PIK3C2B: variants seen among roughly 807,000 people sequenced by gnomAD.
The protein encoded by PIK3C2B is phosphatidylinositol-4-phosphate 3-kinase catalytic subunit type 2 beta.
A neutral mutation model predicts 184.3 loss-of-function variants in PIK3C2B; 83 were observed. That is an observed-to-expected ratio of 0.45 (90% CI 0.38 to 0.54). The LOEUF is 0.54. Ranked by LOEUF, PIK3C2B falls within the 20% of genes least tolerant of loss-of-function variation. The pLI is 0.00. For missense variants in PIK3C2B, 1,736 were observed against 2,113.5 expected (o/e 0.82, Z 3.50); for synonymous variants, 779 against 837.6 (o/e 0.93, Z 1.21).
At chr1:204,456,906 A>ACACACC (rs772419960) in intron 10 of PIK3C2B, 131 bp downstream of exon 10, 46 of 152,782 alleles carry the variant, frequency 3.0e-4, no homozygotes, top group East Asian at 1.2e-3. Flanking sequence ...ACACACACAC[A>ACACACC]CCCACACACA....
intron 29 of PIK3C2B, among the ~76,000 whole-genome samples, chr1:204,429,253 TACTC>T (rs1478121307): frequency 8.6e-5 from 13 of 150,524 alleles, no homozygotes; most frequent in African/African-American, 5.0e-5. Flanking sequence ...TGTGTGAAAA[TACTC>T]ACTTGAACAT....
At position 204,424,139 on chromosome 1, in the gene PIK3C2B, C is replaced by T. The variant is rs1211312995; in HGVS notation, c.*713G>A. The T allele has an allele frequency of 6.5e-6, 1 of 154,086 alleles. No homozygotes were observed. The highest frequency in any genetic ancestry group is 1.4e-5 in the Non-Finnish European group (1 of 69,114). The allele number at this position is 154,086 out of a possible 1,614,324, so 9.5% of individuals were successfully genotyped here. ...CAGAACCCCAATACGGAAGGCCCTT[C>T]CTTACACATGTAGGTATCACAGCGC... On this transcript the variant is annotated 3_prime_UTR_variant, in exon 33 of 33. Transcript: ENST00000684373.
chr1:204,463,875 A>T, intron 5 of PIK3C2B, 137 bp downstream of exon 5: 1 of 883,974 alleles, frequency 1.1e-6, no homozygotes, highest in Non-Finnish European at 1.8e-6. Flanking sequence ...CGTGGCCGAG[A>T]GTGTGCCCAG....
Position 204,444,441 on chromosome 1 carries a change from A to T in PIK3C2B, c.2679-17T>A. The T allele has an allele frequency of 6.3e-7, 1 of 1,599,376 alleles. No individual in the cohort carries two copies. The highest frequency in any genetic ancestry group is 8.5e-7 in the Non-Finnish European group (1 of 1,170,040). ...TCCGGGAAGCTGCAAAACAGAGCCC[A>T]GTGCCCTGACAACCTAGCTGCAAGT... On this transcript the variant is annotated splice_polypyrimidine_tract_variant and intron_variant, in intron 16 of 32. Transcript: ENST00000684373.
intron 28 of PIK3C2B, chr1:204,431,461 G>T: frequency 3.3e-6 from 2 of 598,834 alleles, no homozygotes; most frequent in Non-Finnish European, 5.9e-6. Context: ...TCTGGCCAGT[G>T]GGCCTGGAGT....
Position 204,469,489 on chromosome 1 carries a change from T to G in PIK3C2B, c.314A>C (p.His105Pro). The change falls in exon 2 of 33, where the codon CAC (histidine) becomes CCC (proline). Residue 105 changes from histidine to proline, a missense_variant. Around this residue, in one of 8 missense-constraint regions of PIK3C2B, gnomAD observed 404 missense variants for 418.0 expected, o/e 0.97. Coordinates refer to ENST00000684373, the MANE Select transcript of PIK3C2B (RefSeq NM_001377334.1). ...AGGCTGTGGCCCTTGGGAGGTAGAG[T>G]GGTTGGGCGGCCCTTCCTGTGGGGA... The part of the protein sequence containing the change: ...SLSPQEGPPN[H>P]STSQGPQPGS... The G allele has an allele frequency of 6.2e-7, 1 of 1,606,192 alleles. No homozygotes were observed. The highest frequency in any genetic ancestry group is 8.5e-7 in the Non-Finnish European group (1 of 1,176,254).
chr1:204,430,028 G>C lies in PIK3C2B; in HGVS notation c.4291C>G (p.Arg1431Gly), dbSNP rs1458432047. Residue 1431 changes from arginine to glycine, a missense_variant, in exon 29 of 33, where the codon CGC becomes GGC. By Grantham distance (125) the Arg-to-Gly change is moderately radical. This residue lies in a region of PIK3C2B where 200 missense variants were observed against 199.1 expected (regional missense o/e 1.00). Transcript: ENST00000684373. ...PSSHLPSFPS[R>G]FVIGRSRGEA... ...CCCCGGGAGCGGCCGATCACGAAGC[G>C]ACTAGGGAAGCTGGCGTGGCAGCGT... The C allele has an allele frequency of 6.2e-7, 1 of 1,607,410 alleles. No individual in the cohort carries two copies.
rs61761709 is a variant in PIK3C2B at position 204,461,752 on chromosome 1, G to A, written c.1311-1091C>T. 6.6e-3 allele frequency among the ~76,000 whole-genome samples: 999 copies of A among 151,564 alleles called. 10 individuals carry two copies. The highest frequency in any genetic ancestry group is 0.023 in the African/African-American group (934 of 41,278). On this transcript the variant is annotated intron_variant, in intron 5 of 32. Coordinates refer to ENST00000684373, the MANE Select transcript of PIK3C2B (RefSeq NM_001377334.1). ...CTGGGCTGTGGGGCTGGGCCTGGTG[G>A]GAGAGCCTGGGAGGAAGGAAGAGTG...
At chr1:204,493,014 T>C (rs1658109018) in intron 1 of PIK3C2B, among the ~76,000 whole-genome samples, 1 of 152,182 alleles carries the variant, frequency 6.6e-6, no homozygotes, top group Non-Finnish European at 1.5e-5. Context: ...CCAGCCAGAC[T>C]CTGGAGGAGC....
chr1:204,494,234 T>A (rs1302849629), intron 1 of PIK3C2B, 122 bp downstream of exon 1: 1 of 152,384 alleles, frequency 6.6e-6, no homozygotes, highest in African/African-American at 2.4e-5. Flanking sequence ...CTCGGCTGCT[T>A]CCATTGTTGC....
intron 18 of PIK3C2B, 87 bp from the exon 19 acceptor site, chr1:204,443,684 A>G: frequency 1.6e-6 from 2 of 1,270,732 alleles, no homozygotes; most frequent in South Asian, 1.3e-5. Context: ...CCCAGCTCCA[A>G]CTCACTGCAA....
rs774726174 is a variant in PIK3C2B at position 204,441,604 on chromosome 1, C to T, written c.3157-41G>A. On this transcript the variant is annotated intron_variant, in intron 20 of 32. Transcript: ENST00000684373. ...GATAGTGACGAGGGTCAGAGTGGCC[C>T]ATGCCAGGAAAGGAAAACGACCTCT... 8 of 1,441,336 alleles carry T rather than the reference C, an allele frequency of 5.6e-6. No homozygotes were observed. The East Asian group carries it at 1.4e-4, about 25-fold the overall frequency. 89.3% of individuals were successfully genotyped at this position (1,441,336 alleles called of 1,614,324 possible). A position where few individuals can be genotyped will look rare whatever the true frequency, so the allele number is the denominator to read the frequency against.
intron 2 of PIK3C2B, chr1:204,466,808 T>C (rs1340122310): frequency 1.5e-5 from 8 of 529,072 alleles, no homozygotes; most frequent in Non-Finnish European, 2.7e-5. Context: ...CATCACCCGA[T>C]GCTGGCTGGG....
chr1:204,474,594 C>T (rs1656571733), intron 1 of PIK3C2B, among the ~76,000 whole-genome samples: 1 of 152,064 alleles, frequency 6.6e-6, no homozygotes, highest in Non-Finnish European at 1.5e-5. Context: ...TTCTCCATCT[C>T]CTCCTTCTTT....
chr1:204,478,784 A>G (rs1656907043), intron 1 of PIK3C2B, among the ~76,000 whole-genome samples: 1 of 152,166 alleles, frequency 6.6e-6, no homozygotes, highest in African/African-American at 2.4e-5. Flanking sequence ...CATTAATTTG[A>G]AGCCAAAGTG....
intron 23 of PIK3C2B, among the ~76,000 whole-genome samples, chr1:204,434,865 T>G (rs900020531): frequency 1.3e-5 from 2 of 152,234 alleles, no homozygotes; most frequent in African/African-American, 4.8e-5. Flanking sequence ...AATACCATCT[T>G]CTCCTTTCTT....
chr1:204,449,932 C>G lies in PIK3C2B; in HGVS notation c.2152G>C (p.Gly718Arg). 1 of 1,613,236 alleles carries G rather than the reference C, an allele frequency of 6.2e-7. No individual in the cohort carries two copies. The change falls in exon 13 of 33, where the codon GGG becomes CGG. Residue 718 changes from glycine to arginine, a missense_variant. Gly to Arg is a moderately radical substitution (Grantham distance 125, BLOSUM62 -2). This residue lies in a region of PIK3C2B where 609 missense variants were observed against 699.2 expected (regional missense o/e 0.87). Coordinates refer to ENST00000684373, the MANE Select transcript of PIK3C2B (RefSeq NM_001377334.1). ...TLYALPIPPPGSSSEANKQRR... is the reference protein window; with the variant it reads ...TLYALPIPPPRSSSEANKQRR... ...TGCTTATTGGCCTCTGAGGAGCTCC[C>G]CGGTGGGGGGATGGGCAGAGCATAG...
intron 29 of PIK3C2B, among the ~76,000 whole-genome samples, chr1:204,428,451 T>C (rs942127450): frequency 6.6e-5 from 10 of 152,226 alleles, no homozygotes; most frequent in African/African-American, 2.4e-4. Context: ...CTGTAGTTAC[T>C]TTAAAAACAA....
In PIK3C2B at chr1:204,442,638, A is replaced by C; in HGVS notation, c.3049-5T>G. 6.5e-7 allele frequency: 1 copy of C among 1,539,066 alleles called. No individual in the cohort carries two copies. The highest frequency in any genetic ancestry group is 8.8e-7 in the Non-Finnish European group (1 of 1,135,532). Reference sequence around the variant, plus strand: ...CAGGCCCGTGCGGAGGATTCCCTGGAAAGAAGGGGAGGAGTACAGCAGGGG... The same window carrying C: ...CAGGCCCGTGCGGAGGATTCCCTGGCAAGAAGGGGAGGAGTACAGCAGGGG... On this transcript the variant is annotated splice_region_variant and splice_polypyrimidine_tract_variant and intron_variant, in intron 19 of 32. Coordinates refer to ENST00000684373, the MANE Select transcript of PIK3C2B (RefSeq NM_001377334.1).
Sources: allele counts gnomAD v4.1 joint callset (sites outside exome capture counted in the v4.1 genomes callset), GRCh38; gene constraint gnomAD v4.1.1; regional missense constraint gnomAD v4.1.1; transcripts MANE v1.5; gene names NCBI Gene and HGNC (gene_info 2026-07-23, HGNC 2026-07-21).